Variants in CCDC112 observed in about 807,000 individuals in gnomAD.
CCDC112 encodes coiled-coil domain containing 112.
In CCDC112, 40 loss-of-function variants were observed where a neutral mutation model predicts 66.3. The ratio of observed to expected loss-of-function variants is 0.60; its 90% CI spans 0.47 to 0.79. The LOEUF (loss-of-function observed/expected upper bound fraction) is 0.79, where lower values mean the gene tolerates loss of function less well. Ranked by LOEUF, CCDC112 falls within the 30% of genes least tolerant of loss-of-function variation. The pLI is 0.00. For synonymous variants in CCDC112, 214 were observed against 197.2 expected (o/e 1.09, Z -0.71); for missense variants, 659 against 603.8 (o/e 1.09, Z -0.96).
chr5:115,283,875 G>C (rs1405230738), intron 2 of CCDC112, among the ~76,000 whole-genome samples: 1 of 152,128 alleles, frequency 6.6e-6, no homozygotes, highest in Non-Finnish European at 1.5e-5. Flanking sequence ...CTGTAGGGTA[G>C]AGTGGGGTGC....
At chr5:115,271,740 T>G in intron 6 of CCDC112, 114 bp from the exon 7 acceptor site, 1 of 696,294 alleles carries the variant, frequency 1.4e-6, no homozygotes, top group Non-Finnish European at 2.2e-6. Flanking sequence ...TGCAGAATGC[T>G]GGATGCTTAG....
At chr5:115,280,543 T>C (rs1308545198) in intron 2 of CCDC112, 1 of 152,150 alleles carries the variant, frequency 6.6e-6, no homozygotes, top group Non-Finnish European at 1.5e-5. Context: ...GGCAAAGAAA[T>C]CAATTCTCAA....
intron 1 of CCDC112, among the ~76,000 whole-genome samples, chr5:115,293,838 AG>A (rs1359075504): frequency 6.6e-6 from 1 of 152,226 alleles, no homozygotes; most frequent in Non-Finnish European, 1.5e-5. Context: ...AGGTCATCAG[AG>A]GGAAGGTCCT....
intron 8 of CCDC112, 175 bp downstream of exon 8, chr5:115,269,528 T>G: frequency 1.9e-6 from 1 of 533,762 alleles, no homozygotes; most frequent in Non-Finnish European, 3.3e-6. Context: ...AGAATTCAAA[T>G]AATGGTTGCT....
intron 6 of CCDC112, 64 bp from the exon 7 acceptor site, chr5:115,271,690 T>A: frequency 3.0e-6 from 3 of 1,009,602 alleles, no homozygotes; most frequent in Non-Finnish European, 4.2e-6. Context: ...AAAAGTATTT[T>A]AAAATACATC....
Position 115,271,419 on chromosome 5 carries a change from G to A in CCDC112, c.1126C>T (p.Gln376Ter). 6.2e-7 allele frequency: 1 copy of A among 1,609,104 alleles called. No individual in the cohort carries two copies. Among genetic ancestry groups the A allele is most frequent in the Non-Finnish European group, 8.5e-7 (1 of 1,178,986 alleles). The part of the protein sequence containing the change: ...SIEMSMKCAS[Q>*]LKEEEEKEKK... ...TCTTTCTCTTCTTCTTCTTTTAACT[G>A]GGAAGCACATTTCATTGACATTTCT... The change falls in exon 7 of 10, where the codon CAG (glutamine) becomes TAG (stop). Residue 376 changes from glutamine to a stop codon, truncating the protein, a stop_gained. Transcript: ENST00000379611. LOFTEE classifies it high-confidence loss of function.
chr5:115,273,607 T>C (rs1180271904), intron 6 of CCDC112, among the ~76,000 whole-genome samples: 1 of 152,288 alleles, frequency 6.6e-6, no homozygotes, highest in African/African-American at 2.4e-5. Flanking sequence ...ACAAGGAAAA[T>C]AAGCTAGAAT....
intron 3 of CCDC112, among the ~76,000 whole-genome samples, chr5:115,279,336 G>T (rs1024168040): frequency 1.3e-5 from 2 of 150,562 alleles, no homozygotes; most frequent in African/African-American, 4.9e-5. Context: ...CTGCTTTTAA[G>T]AAATTTTAAT....
At chr5:115,296,139 A>G (rs1750146222) in intron 1 of CCDC112, 14 of 1,147,806 alleles carry the variant, frequency 1.2e-5, no homozygotes, top group Non-Finnish European at 1.5e-5. Context: ...CCCAATTTTT[A>G]GAGAAGAAAG....
chr5:115,275,573 A>T lies in CCDC112; in HGVS notation c.561T>A (p.Thr187=). ...YEELIKEEKT[T]NNELSAISRK... is the part of the protein sequence containing the mutation. ...TTGATATGGCACTCAACTCATTATT[A>T]GTTGTCTTCTCTTCTTTAATTAGCT... The change falls in exon 6 of 10, where the codon ACT becomes ACA. Residue 187 remains threonine, a synonymous_variant. Transcript: ENST00000379611. 6.3e-7 allele frequency: 1 copy of T among 1,598,516 alleles called. No individual in the cohort carries two copies.
chr5:115,294,245 C>T (rs1472647243), intron 1 of CCDC112, among the ~76,000 whole-genome samples: 1 of 152,076 alleles, frequency 6.6e-6, no homozygotes, highest in Non-Finnish European at 1.5e-5. Context: ...AATTGTGTTC[C>T]CTCAAAATTC....
At chr5:115,275,938 C>T in intron 5 of CCDC112, 56 bp downstream of exon 5, 3 of 1,132,574 alleles carry the variant, frequency 2.6e-6, no homozygotes, top group South Asian at 2.7e-5. Context: ...GTACTGGGGC[C>T]AGTTATTAAA....
intron 1 of CCDC112, among the ~76,000 whole-genome samples, chr5:115,291,958 C>T (rs1008447489): frequency 2.8e-4 from 42 of 152,028 alleles, no homozygotes; most frequent in Non-Finnish European, 2.5e-4. Context: ...AGGTTTATTA[C>T]GATGTGTCTA....
At chr5:115,284,938 T>C (rs1169289529) in intron 1 of CCDC112, 30 bp from the exon 2 acceptor site, 1 of 1,580,482 alleles carries the variant, frequency 6.3e-7, no homozygotes, top group Non-Finnish European at 8.6e-7. Context: ...AACTTAACAG[T>C]AATGAAAATA....
Position 115,276,586 on chromosome 5 carries a change from A to T in CCDC112, c.451+379T>A, listed in dbSNP as rs182339957. ...ATTTCAAAAAGCAAATGAAGGGAAA[A>T]CACTGGGACAGGATTAAGGAAATCA... On this transcript the variant is annotated intron_variant, in intron 4 of 9. Transcript: ENST00000379611. Among the ~76,000 whole-genome samples, 3 of 152,274 alleles carry T rather than the reference A, an allele frequency of 2.0e-5. No individual in the cohort carries two copies. The East Asian group carries it at 5.8e-4, about 29-fold the overall frequency.
intron 2 of CCDC112, among the ~76,000 whole-genome samples, chr5:115,282,182 G>A (rs72813846): frequency 0.041 from 6,218 of 152,196 alleles, 130 homozygotes; most frequent in South Asian, 0.058. Flanking sequence ...TCTGTTCTAC[G>A]TACTGACAGG....
intron 2 of CCDC112, among the ~76,000 whole-genome samples, chr5:115,282,602 T>C (rs1215637866): frequency 1.3e-5 from 2 of 152,000 alleles, no homozygotes; most frequent in East Asian, 1.9e-4. Context: ...TGCAGAGCAA[T>C]GTGGACGGTA....
chr5:115,289,366 A>G (rs112607716), intron 1 of CCDC112: 1,651 of 155,166 alleles, frequency 0.011, 28 homozygotes, highest in African/African-American at 0.038. Context: ...CCTGGTGCTC[A>G]GTGCTTGCAA....
At chr5:115,295,654 G>T (rs562512557) in intron 1 of CCDC112, among the ~76,000 whole-genome samples, 1 of 152,268 alleles carries the variant, frequency 6.6e-6, no homozygotes, top group African/African-American at 2.4e-5. Flanking sequence ...TTGGTGCTGG[G>T]AATACAATAA....
Sources: gnomAD v4.1 joint callset for allele counts (sites outside exome capture counted in the v4.1 genomes callset) on GRCh38, gnomAD v4.1.1 for gene constraint, MANE v1.5 for transcripts, NCBI Gene and HGNC (gene_info 2026-07-23, HGNC 2026-07-21) for gene names.